The following CNBD1 variants were observed in gnomAD, a reference collection of about 807,000 sequenced individuals.
The protein encoded by CNBD1 is cyclic nucleotide binding domain containing 1.
A neutral mutation model predicts 54.4 loss-of-function variants in CNBD1; 71 were observed. The ratio of observed to expected loss-of-function variants is 1.30; its 90% CI spans 1.08 to 1.59. The LOEUF (loss-of-function observed/expected upper bound fraction) is 1.59. Among genes scored for constraint, CNBD1 ranks in the 40% most tolerant of loss-of-function variants. The pLI, the probability that CNBD1 is intolerant of heterozygous loss-of-function variation, is 0.00. For synonymous variants in CNBD1, 182 were observed against 170.7 expected (o/e 1.07, Z -0.51); for missense variants, 659 against 518.0 (o/e 1.27, Z -2.64).
chr8:87,333,277 G>A (rs1477973489), intron 8 of CNBD1, among the ~76,000 whole-genome samples: 2 of 152,164 alleles, frequency 1.3e-5, no homozygotes, highest in African/African-American at 4.8e-5. Context: ...TTTGGGATGA[G>A]ACAATGGATG....
At chr8:86,963,857 G>A (rs532899446) in intron 4 of CNBD1, among the ~76,000 whole-genome samples, 18 of 152,276 alleles carry the variant, frequency 1.2e-4, no homozygotes, top group African/African-American at 4.3e-4. Flanking sequence ...GGACCAGTCA[G>A]TCCTGCTGCA....
chr8:86,916,426 A>C (rs1306391431), intron 3 of CNBD1, among the ~76,000 whole-genome samples: 1 of 152,088 alleles, frequency 6.6e-6, no homozygotes, highest in Non-Finnish European at 1.5e-5. Context: ...GTCTGCATCC[A>C]CACTGGCCTG....
At chr8:86,875,157 T>C (rs1205376713) in intron 1 of CNBD1, among the ~76,000 whole-genome samples, 1 of 152,018 alleles carries the variant, frequency 6.6e-6, no homozygotes, top group African/African-American at 2.4e-5. Context: ...AGCTTTAACA[T>C]AACACTTTTG....
intron 6 of CNBD1, among the ~76,000 whole-genome samples, chr8:87,246,538 C>A (rs1478318360): frequency 6.6e-6 from 1 of 152,068 alleles, no homozygotes; most frequent in African/African-American, 2.4e-5. Flanking sequence ...ATGACTTAAA[C>A]AATAAGAATA....
At chr8:87,026,337 C>T (rs1438697529) in intron 4 of CNBD1, among the ~76,000 whole-genome samples, 1 of 151,612 alleles carries the variant, frequency 6.6e-6, no homozygotes, top group African/African-American at 2.4e-5. Context: ...TCCCTTCTTG[C>T]TTCCTTCCCT....
rs529487102 is a variant in CNBD1 at position 87,395,743 on chromosome 8, A to C, written c.214-32803A>C. ...TATGGTATGGCTGTATCCCCACCCA[A>C]ATCTCATCTTGAATTGCAGTTCCCC... On this transcript the variant is annotated intron_variant, in intron 2 of 7. Transcript: ENST00000521593. 4.6e-5 allele frequency among the ~76,000 whole-genome samples: 7 copies of C among 151,952 alleles called. No individual in the cohort carries two copies. In the South Asian group the frequency reaches 1.0e-3, roughly 23 times the overall value.
rs918625659 is a variant in CNBD1, at chr8:86,908,827, C to G, written c.272+3633C>G. On this transcript the variant is annotated intron_variant, in intron 3 of 10. Transcript: ENST00000518476. ...GTGCTGAGGGCAGGAGTGCAGTGGCCTGATCTCGGCTCACTGCAACCTCCG... is the reference window on the plus strand; with the variant it reads ...GTGCTGAGGGCAGGAGTGCAGTGGCGTGATCTCGGCTCACTGCAACCTCCG... Among the ~76,000 whole-genome samples, 28 of 129,248 alleles carry G rather than the reference C, an allele frequency of 2.2e-4. 1 individual carries two copies. In the Admixed American group the frequency reaches 2.3e-3, roughly 10 times the overall value. The allele number at this position is 129,248 out of a possible 152,430, so 84.8% of individuals were successfully genotyped here.
At chr8:87,308,637 A>G (rs1809204269) in intron 8 of CNBD1, among the ~76,000 whole-genome samples, 1 of 152,134 alleles carries the variant, frequency 6.6e-6, no homozygotes, top group Non-Finnish European at 1.5e-5. Flanking sequence ...AATATACAGT[A>G]TATTGTTGTT....
intron 10 of CNBD1, among the ~76,000 whole-genome samples, chr8:87,367,581 A>C (rs1810666472): frequency 1.3e-5 from 2 of 152,220 alleles, no homozygotes; most frequent in South Asian, 4.1e-4. Context: ...TTGGATTCTG[A>C]GCTGATTCTC....
At chr8:87,285,620 C>T (rs1808681531) in intron 7 of CNBD1, among the ~76,000 whole-genome samples, 1 of 152,098 alleles carries the variant, frequency 6.6e-6, no homozygotes, top group South Asian at 2.1e-4. Flanking sequence ...CCTGTAATCC[C>T]AGCACTTTAG....
At chr8:87,371,711 G>A (rs1167074642) in intron 10 of CNBD1, among the ~76,000 whole-genome samples, 67 of 151,842 alleles carry the variant, frequency 4.4e-4, no homozygotes, top group East Asian at 9.7e-4. Context: ...GTAATCCAGC[G>A]TATAAACAGA....
chr8:87,031,419 T>G (rs952263113), intron 4 of CNBD1, among the ~76,000 whole-genome samples: 1 of 152,172 alleles, frequency 6.6e-6, no homozygotes, highest in Non-Finnish European at 1.5e-5. Context: ...TCAGCCTGTT[T>G]ATCATGCCTC....
At chr8:87,360,638 G>A (rs1284095434) in intron 10 of CNBD1, among the ~76,000 whole-genome samples, 1 of 151,830 alleles carries the variant, frequency 6.6e-6, no homozygotes, top group Non-Finnish European at 1.5e-5. Flanking sequence ...TAGAACAAGT[G>A]TACTACTTTT....
At chr8:86,996,273 T>A (rs1025794855) in intron 4 of CNBD1, among the ~76,000 whole-genome samples, 3 of 152,214 alleles carry the variant, frequency 2.0e-5, no homozygotes, top group African/African-American at 7.2e-5. Flanking sequence ...TGTTGTATGT[T>A]TCATATGTCT....
intron 2 of CNBD1, among the ~76,000 whole-genome samples, chr8:87,399,136 T>C (rs1248276729): frequency 6.6e-6 from 1 of 152,108 alleles, no homozygotes; most frequent in Non-Finnish European, 1.5e-5. Flanking sequence ...TAATTTCAGT[T>C]ACTCTACCAG....
chr8:86,995,367 T>C (rs1253598178), intron 4 of CNBD1, among the ~76,000 whole-genome samples: 2 of 152,280 alleles, frequency 1.3e-5, no homozygotes, highest in Non-Finnish European at 2.9e-5. Flanking sequence ...GAAACAGACA[T>C]GGTAAATCAA....
intron 4 of CNBD1, among the ~76,000 whole-genome samples, chr8:87,007,305 A>T (rs868681668): frequency 1.3e-5 from 2 of 152,052 alleles, no homozygotes; most frequent in African/African-American, 2.4e-5. Flanking sequence ...TATTAATCTC[A>T]TTGGAGATTT....
At chr8:87,427,186 C>T (rs145829484) in intron 2 of CNBD1, among the ~76,000 whole-genome samples, 53 of 152,096 alleles carry the variant, frequency 3.5e-4, no homozygotes, top group African/African-American at 1.3e-3. Flanking sequence ...AGGCCATACC[C>T]TAAGAGTCTG....
intron 2 of CNBD1, among the ~76,000 whole-genome samples, chr8:86,898,680 T>C (rs1352238100): frequency 6.6e-6 from 1 of 152,040 alleles, no homozygotes; most frequent in African/African-American, 2.4e-5. Flanking sequence ...TCAAAATGGA[T>C]CATAGACCTA....
Sources: allele counts gnomAD v4.1 joint callset (sites outside exome capture counted in the v4.1 genomes callset), GRCh38; gene constraint gnomAD v4.1.1; transcripts MANE v1.5; gene names NCBI Gene and HGNC (gene_info 2026-07-23, HGNC 2026-07-21).